SEZ6L: variants seen among roughly 807,000 people sequenced by gnomAD.
The protein encoded by SEZ6L is seizure 6-like protein.
In SEZ6L, 37 loss-of-function variants were observed where a neutral mutation model predicts 106.2. The observed-to-expected ratio is 0.35, with a 90% CI of 0.27 to 0.46. The LOEUF is 0.46. Ranked by LOEUF, SEZ6L falls within the 20% of genes least tolerant of loss-of-function variation. The probability of loss-of-function intolerance (pLI) is 1.00; values close to 1 mark genes in which losing one functional copy is unlikely to be tolerated. For synonymous variants in SEZ6L, 541 were observed against 570.4 expected (o/e 0.95, Z 0.73); for missense variants, 1,172 against 1,332.8 (o/e 0.88, Z 1.88).
chr22:26,203,121 AT>A (rs1226097017), intron 1 of SEZ6L, among the ~76,000 whole-genome samples: 6 of 152,222 alleles, frequency 3.9e-5, no homozygotes, highest in Admixed American at 3.3e-4. Context: ...TGTTTCATTC[AT>A]GAATCATCAG....
chr22:26,242,790 A>G (rs914972983), intron 1 of SEZ6L: 1 of 152,182 alleles, frequency 6.6e-6, no homozygotes, highest in South Asian at 2.1e-4. Context: ...CTTGCCAGGC[A>G]GTGGTCAAGA....
At chr22:26,254,362 A>G (rs974493) in intron 1 of SEZ6L, among the ~76,000 whole-genome samples, 147,102 of 152,048 alleles carry the variant, frequency 0.97, 71,353 homozygotes, top group East Asian at 1. Context: ...GAAGTGAGGA[A>G]GGAAAGGGAC....
chr22:26,176,481 T>C (rs948377927), intron 1 of SEZ6L, among the ~76,000 whole-genome samples: 2 of 152,258 alleles, frequency 1.3e-5, no homozygotes, highest in African/African-American at 4.8e-5. Context: ...CCTACTTTGA[T>C]GGCTTGTGCG....
At chr22:26,254,291 G>T (rs1200689567) in intron 1 of SEZ6L, among the ~76,000 whole-genome samples, 1 of 151,988 alleles carries the variant, frequency 6.6e-6, no homozygotes, top group African/African-American at 2.4e-5. Flanking sequence ...TGTAGCAAAA[G>T]TTGTATACAC....
chr22:26,281,064 C>G (rs1272686276), intron 1 of SEZ6L, among the ~76,000 whole-genome samples: 2 of 152,066 alleles, frequency 1.3e-5, no homozygotes, highest in Admixed American at 6.5e-5. Context: ...AATTTAATCC[C>G]CAGGGTGACA....
At chr22:26,191,543 C>T (rs938443327) in intron 1 of SEZ6L, among the ~76,000 whole-genome samples, 4 of 139,502 alleles carry the variant, frequency 2.9e-5, no homozygotes, top group Non-Finnish European at 6.0e-5. Context: ...TATGAGAACA[C>T]ATGGACACAT....
At chr22:26,335,673 T>C (rs1219235041) in intron 9 of SEZ6L, among the ~76,000 whole-genome samples, 2 of 152,194 alleles carry the variant, frequency 1.3e-5, no homozygotes, top group African/African-American at 2.4e-5. Flanking sequence ...GGTTCACAAC[T>C]AGACCCAGGA....
At chr22:26,324,186 G>A (rs1037355333) in intron 9 of SEZ6L, among the ~76,000 whole-genome samples, 1 of 151,658 alleles carries the variant, frequency 6.6e-6, no homozygotes, top group Non-Finnish European at 1.5e-5. Context: ...AGAAACTGAG[G>A]CTCAAAGTGT....
chr22:26,270,861 T>C (rs1231308026), intron 1 of SEZ6L, among the ~76,000 whole-genome samples: 1 of 152,052 alleles, frequency 6.6e-6, no homozygotes, highest in Admixed American at 6.5e-5. Context: ...CCAACCCTCA[T>C]AAGTGGGCAG....
intron 11 of SEZ6L, among the ~76,000 whole-genome samples, chr22:26,348,636 GAA>G (rs1222393403): frequency 3.7e-5 from 1 of 27,100 alleles, no homozygotes; most frequent in African/African-American, 2.3e-4. Flanking sequence ...AAGAAAGAAA[GAA>G]AGAAAGAAAA....
In SEZ6L at chr22:26,224,871, G is replaced by A. The variant is rs141754075; in HGVS notation, c.94+55108G>A. Among the ~76,000 whole-genome samples the A allele has an allele frequency of 6.4e-3, 978 of 152,158 alleles. 5 individuals carry two copies. The highest frequency in any genetic ancestry group is 0.01 in the Non-Finnish European group (688 of 68,012). On this transcript the variant is annotated intron_variant, in intron 1 of 16. Coordinates refer to ENST00000248933, the MANE Select transcript of SEZ6L (RefSeq NM_021115.5). ...TGTAAGAAACTACCCCCAACTCAGG[G>A]ACTTAGAACTGCAACCACATGACTC...
chr22:26,342,149 C>A (rs80005710), intron 10 of SEZ6L, among the ~76,000 whole-genome samples: 2,183 of 152,280 alleles, frequency 0.014, 53 homozygotes, highest in African/African-American at 0.05. Flanking sequence ...GACCTAACAT[C>A]CTTTGACATC....
intron 1 of SEZ6L, among the ~76,000 whole-genome samples, chr22:26,261,150 T>G (rs2079993325): frequency 6.6e-6 from 1 of 152,242 alleles, no homozygotes; most frequent in Non-Finnish European, 1.5e-5. Flanking sequence ...GTTGGACGTA[T>G]AGAGTGTGAA....
intron 1 of SEZ6L, among the ~76,000 whole-genome samples, chr22:26,170,044 A>G (rs974885453): frequency 3.9e-5 from 6 of 152,068 alleles, no homozygotes; most frequent in African/African-American, 1.4e-4. Context: ...TTTGCAGCCA[A>G]AGAGGTTCTC....
intron 1 of SEZ6L, among the ~76,000 whole-genome samples, chr22:26,190,407 A>G (rs900187116): frequency 6.6e-5 from 10 of 152,226 alleles, no homozygotes; most frequent in Non-Finnish European, 1.0e-4. Flanking sequence ...ATCAACTGGT[A>G]CTTTTGGAGG....
chr22:26,197,955 C>T (rs1384867760), intron 1 of SEZ6L, among the ~76,000 whole-genome samples: 3 of 152,158 alleles, frequency 2.0e-5, no homozygotes, highest in African/African-American at 2.4e-5. Flanking sequence ...CTGGCATGGT[C>T]GTCTCTCTCT....
chr22:26,370,040 C>G (rs1202244871), intron 13 of SEZ6L, among the ~76,000 whole-genome samples: 1 of 152,130 alleles, frequency 6.6e-6, no homozygotes, highest in African/African-American at 2.4e-5. Context: ...ATTAATTTGA[C>G]ATTGTTGATG....
chr22:26,176,182 C>T (rs182704110), intron 1 of SEZ6L, among the ~76,000 whole-genome samples: 18 of 152,352 alleles, frequency 1.2e-4, no homozygotes, highest in African/African-American at 3.1e-4. Flanking sequence ...TGGGTCAGAA[C>T]GGTACAAGCA....
At chr22:26,200,852 G>A (rs898298038) in intron 1 of SEZ6L, among the ~76,000 whole-genome samples, 4 of 152,016 alleles carry the variant, frequency 2.6e-5, no homozygotes, top group African/African-American at 4.8e-5. Context: ...CTTGAACCAC[G>A]TGGATGACTC....
Sources: allele counts gnomAD v4.1 joint callset (sites outside exome capture counted in the v4.1 genomes callset), GRCh38; gene constraint gnomAD v4.1.1; transcripts MANE v1.5; gene names NCBI Gene and HGNC (gene_info 2026-07-23, HGNC 2026-07-21).